LITAF: variants seen among roughly 807,000 people sequenced by gnomAD.
LITAF encodes lipopolysaccharide induced TNF factor, also known as lipopolysaccharide-induced tumor necrosis factor-alpha factor.
A neutral mutation model predicts 14.5 loss-of-function variants in LITAF; 9 were observed. The observed-to-expected ratio is 0.62, with a 90% confidence interval of 0.37 to 1.08. LITAF has a LOEUF of 1.08. LITAF is among the 50% of genes least tolerant of loss of function. The probability of loss-of-function intolerance (pLI) is 0.01; values close to 1 mark genes in which losing one functional copy is unlikely to be tolerated. For missense variants in LITAF, 206 were observed against 213.4 expected (o/e 0.97, Z 0.22); for synonymous variants, 98 against 88.2 (o/e 1.11, Z -0.62).
chr16:11,582,166 C>G (rs930397432), intron 1 of LITAF, among the ~76,000 whole-genome samples: 6 of 152,004 alleles, frequency 3.9e-5, no homozygotes, highest in African/African-American at 1.5e-4. Flanking sequence ...CAATTACACA[C>G]TGGAGACATA....
intron 1 of LITAF, among the ~76,000 whole-genome samples, chr16:11,575,741 G>C (rs1235875235): frequency 1.3e-5 from 2 of 152,022 alleles, no homozygotes; most frequent in East Asian, 3.9e-4. Context: ...CTTCTCCCGA[G>C]AACACAAAAA....
At position 11,634,594 on chromosome 16, in the gene LITAF, C is replaced by T. The variant is rs538795027; in HGVS notation, c.-20-957G>A. Among the ~76,000 whole-genome samples the T allele has an allele frequency of 6.6e-6, 1 of 152,178 alleles. No individual in the cohort carries two copies. On this transcript the variant is annotated intron_variant, in intron 2 of 3. Coordinates refer to the LITAF transcript ENST00000574848. This position sits in a 1 kb window ranked among gnomAD's most constrained non-coding sequence, Gnocchi z 4.1. ...AGGTTTTTGCATTTCTGACGATCCA[C>T]TGAGGACTCAGTGCACATGAGGACC...
At chr16:11,628,650 G>A (rs937508034) in intron 3 of LITAF, among the ~76,000 whole-genome samples, 4 of 151,806 alleles carry the variant, frequency 2.6e-5, no homozygotes, top group African/African-American at 9.7e-5. Context: ...TTACAGGTGT[G>A]TGCCACCACG....
At chr16:11,622,323 G>A (rs149955489) in intron 3 of LITAF, among the ~76,000 whole-genome samples, 1 of 152,352 alleles carries the variant, frequency 6.6e-6, no homozygotes, top group East Asian at 1.9e-4. Flanking sequence ...ACCCCAAGCC[G>A]CCTGCGGCCT....
intron 1 of LITAF, among the ~76,000 whole-genome samples, chr16:11,569,007 G>A (rs1284818354): frequency 6.6e-6 from 1 of 152,070 alleles, no homozygotes; most frequent in Non-Finnish European, 1.5e-5. Flanking sequence ...GAGTCTCAGG[G>A]CCTTTCTCCT....
At chr16:11,556,447 C>G (rs762294933) in intron 2 of LITAF, 64 bp downstream of exon 2, 2 of 1,439,992 alleles carry the variant, frequency 1.4e-6, no homozygotes, top group African/African-American at 2.8e-5. Context: ...ACTTCGGTCA[C>G]TCTCCTGATT....
upstream of LITAF, among the ~76,000 whole-genome samples, chr16:11,600,981 G>A (rs1353245147): frequency 1.3e-5 from 2 of 152,132 alleles, no homozygotes; most frequent in African/African-American, 2.4e-5. This position sits in a 1 kb window ranked among gnomAD's most constrained non-coding sequence, Gnocchi z 4.1. Context: ...CCTGGGCAGG[G>A]TGTCGCCTAC....
At chr16:11,580,535 C>T (rs374323124) in intron 1 of LITAF, among the ~76,000 whole-genome samples, 46 of 152,214 alleles carry the variant, frequency 3.0e-4, no homozygotes, top group Non-Finnish European at 5.4e-4. Flanking sequence ...GTATTACAGG[C>T]GTGAGCCACC....
intron 3 of LITAF, among the ~76,000 whole-genome samples, chr16:11,552,971 C>T (rs547681516): frequency 7.9e-5 from 12 of 150,996 alleles, no homozygotes; most frequent in Admixed American, 5.3e-4. Flanking sequence ...AAATATTAGC[C>T]GGGCCTGACG....
At position 11,634,007 on chromosome 16, in the gene LITAF, C is replaced by T. The variant is rs565862465; in HGVS notation, c.-20-370G>A. ...TTGCTGTGATTAGTGGCATCACACA[C>T]GCAGACATGTGTAAGGCCACTTAGC... On this transcript the variant is annotated intron_variant, in intron 2 of 3. Transcript: ENST00000574848. The surrounding 1 kb of genome is among the most constrained non-coding windows in gnomAD (Gnocchi z 4.1). Among the ~76,000 whole-genome samples the T allele has an allele frequency of 1.3e-5, 2 of 152,188 alleles. No individual in the cohort carries two copies. The highest frequency in any genetic ancestry group is 1.9e-4 in the East Asian group (1 of 5,194).
At chr16:11,577,510 GT>G (rs1367447438) in intron 1 of LITAF, among the ~76,000 whole-genome samples, 5 of 151,846 alleles carry the variant, frequency 3.3e-5, no homozygotes, top group African/African-American at 1.2e-4. Flanking sequence ...TAGAGATGAG[GT>G]TTCACCATGC....
At chr16:11,556,799 T>G in intron 1 of LITAF, 64 bp from the exon 2 acceptor site, 1 of 1,351,354 alleles carries the variant, frequency 7.4e-7, no homozygotes. Context: ...CTTTTTCACC[T>G]AAGTCTTCAA....
chr16:11,605,424 A>C lies in LITAF; in HGVS notation c.85+28109T>G, dbSNP rs2064950279. ...GAAGAGGGAAAGGAGCACAGCTAGCACTGCCCTGGGCTCCCTTCACAGTGT... is the reference window on the plus strand; with the variant it reads ...GAAGAGGGAAAGGAGCACAGCTAGCCCTGCCCTGGGCTCCCTTCACAGTGT... On this transcript the variant is annotated intron_variant, in intron 3 of 3. Coordinates refer to the LITAF transcript ENST00000574848. The surrounding 1 kb of genome is among the most constrained non-coding windows in gnomAD (Gnocchi z 4.7). 6.6e-6 allele frequency among the ~76,000 whole-genome samples: 1 copy of C among 152,114 alleles called. No homozygotes were observed. Among genetic ancestry groups the C allele is most frequent in the African/African-American group, 2.4e-5 (1 of 41,422 alleles).
upstream of LITAF, among the ~76,000 whole-genome samples, chr16:11,640,141 G>C (rs2065159349): frequency 6.6e-6 from 1 of 152,176 alleles, no homozygotes; most frequent in Non-Finnish European, 1.5e-5. Context: ...GGTCCACTCT[G>C]CCAGGGCTGG....
At chr16:11,597,826 G>C (rs953858833) in intron 1 of LITAF, among the ~76,000 whole-genome samples, 1 of 152,188 alleles carries the variant, frequency 6.6e-6, no homozygotes, top group African/African-American at 2.4e-5. Context: ...TCATTTTATA[G>C]CTGAGGCCCA....
intron 1 of LITAF, among the ~76,000 whole-genome samples, chr16:11,557,334 G>A (rs570847544): frequency 2.1e-4 from 32 of 151,858 alleles, no homozygotes; most frequent in Admixed American, 5.9e-4. Context: ...TGCGGGGGGC[G>A]GGTCCTGTTC....
At chr16:11,606,589 C>G (rs1009850668) in intron 3 of LITAF, among the ~76,000 whole-genome samples, 1 of 152,182 alleles carries the variant, frequency 6.6e-6, no homozygotes, top group Non-Finnish European at 1.5e-5. Flanking sequence ...GACTTGCTTT[C>G]TTGCAATTTT....
intron 3 of LITAF, among the ~76,000 whole-genome samples, chr16:11,624,495 T>G (rs1443946469): frequency 6.6e-6 from 1 of 152,180 alleles, no homozygotes; most frequent in African/African-American, 2.4e-5. Context: ...GAGCCCTAGA[T>G]GCTGACATTC....
At chr16:11,633,407 T>C (rs1034527256) in intron 3 of LITAF, 1 of 152,218 alleles carries the variant, frequency 6.6e-6, no homozygotes, top group Non-Finnish European at 1.5e-5. Flanking sequence ...TGAAACCTAC[T>C]GGGCTGCATT....
Sources: gnomAD v4.1 joint callset for allele counts (sites outside exome capture counted in the v4.1 genomes callset) on GRCh38, gnomAD v4.1.1 for gene constraint, Gnocchi (gnomAD v3.1) non-coding constraint, MANE v1.5 for transcripts, NCBI Gene and HGNC (gene_info 2026-07-23, HGNC 2026-07-21) for gene names.